CCSER1: variants seen among roughly 807,000 people sequenced by gnomAD.
CCSER1 encodes serine-rich coiled-coil domain-containing protein 1.
Under a neutral mutation model 82.0 loss-of-function variants are expected in CCSER1, and 41 were observed. That is an observed-to-expected ratio of 0.50 (90% CI 0.39 to 0.65). The LOEUF (loss-of-function observed/expected upper bound fraction) is 0.65. Among genes scored for constraint, CCSER1 ranks in the 30% least tolerant of loss-of-function variants. CCSER1 has a pLI of 0.00. For synonymous variants in CCSER1, 414 were observed against 383.9 expected, an observed-to-expected ratio of 1.08 and a Z score of -0.92; for missense variants, 1,119 against 1,064.2, an observed-to-expected ratio of 1.05 and a Z score of -0.72.
At chr4:91,023,896 TTTC>T (rs1740244547) in intron 9 of CCSER1, among the ~76,000 whole-genome samples, 1 of 152,200 alleles carries the variant, frequency 6.6e-6, no homozygotes, top group South Asian at 2.1e-4. Context: ...CTTAGCTATC[TTTC>T]TTCTTTTTAA....
At chr4:91,319,054 A>G (rs773347634) in intron 10 of CCSER1, 3 of 230,278 alleles carry the variant, frequency 1.3e-5, no homozygotes, top group Non-Finnish European at 2.7e-5. Flanking sequence ...TCCAGTGTCC[A>G]TTTTTAATCT....
chr4:91,489,873 A>G (rs1266615502), intron 10 of CCSER1, among the ~76,000 whole-genome samples: 1 of 152,146 alleles, frequency 6.6e-6, no homozygotes, highest in African/African-American at 2.4e-5. Flanking sequence ...CCGAATATAT[A>G]TGGACCTCAA....
Position 90,312,827 on chromosome 4 carries a change from A to C in CCSER1, c.1325-36A>C, listed in dbSNP as rs1561007789. 3 of 1,424,094 alleles carry C rather than the reference A, an allele frequency of 2.1e-6. No homozygotes were observed. In the African/African-American group the frequency reaches 4.3e-5, roughly 20 times the overall value. The allele number at this position is 1,424,094 out of a possible 1,614,324, so 88.2% of individuals were successfully genotyped here. On this transcript the variant is annotated intron_variant, in intron 2 of 10. Coordinates refer to ENST00000509176, the MANE Select transcript of CCSER1 (RefSeq NM_001145065.2). ...ACATTTGTAAAAACTACATTTAAAT[A>C]TTTACCTTCATTTTTATTTATTTTC... is the stretch of plus-strand genomic sequence containing the variant.
intron 5 of CCSER1, among the ~76,000 whole-genome samples, chr4:90,480,501 A>C (rs1442863653): frequency 6.6e-6 from 1 of 152,068 alleles, no homozygotes; most frequent in Non-Finnish European, 1.5e-5. Flanking sequence ...TAGGGTTTTT[A>C]TGGTTTTAGG....
At chr4:91,008,327 G>A (rs978257836) in intron 9 of CCSER1, among the ~76,000 whole-genome samples, 30 of 152,038 alleles carry the variant, frequency 2.0e-4, no homozygotes, top group African/African-American at 7.2e-4. Flanking sequence ...TACTATTATT[G>A]TGTAGTTATC....
intron 10 of CCSER1, among the ~76,000 whole-genome samples, chr4:91,235,591 C>A (rs182682355): frequency 6.6e-6 from 1 of 152,134 alleles, no homozygotes; most frequent in African/African-American, 2.4e-5. Flanking sequence ...ATCAACGTAT[C>A]TTTTTATAGT....
At chr4:91,286,896 T>C (rs2149211966) in intron 10 of CCSER1, among the ~76,000 whole-genome samples, 1 of 152,012 alleles carries the variant, frequency 6.6e-6, no homozygotes, top group Non-Finnish European at 1.5e-5. Flanking sequence ...TCTTTATTTC[T>C]CAGTATATGA....
chr4:91,380,872 C>T (rs1750831986), intron 10 of CCSER1, among the ~76,000 whole-genome samples: 2 of 152,140 alleles, frequency 1.3e-5, no homozygotes, highest in African/African-American at 2.4e-5. Flanking sequence ...CATGTTTTTG[C>T]AGTGGCTGGT....
At chr4:91,002,830 G>T (rs906842989) in intron 9 of CCSER1, among the ~76,000 whole-genome samples, 7 of 152,150 alleles carry the variant, frequency 4.6e-5, no homozygotes, top group African/African-American at 1.7e-4. Flanking sequence ...ACCATGTTTT[G>T]TCATAGTACC....
At chr4:90,594,691 G>A (rs10009121) in intron 5 of CCSER1, among the ~76,000 whole-genome samples, 68,061 of 151,918 alleles carry the variant, frequency 0.45, 19,355 homozygotes, top group African/African-American at 0.81. Flanking sequence ...CCATCCTTGT[G>A]AACAACATGT....
chr4:90,866,795 T>C (rs1010591679), intron 8 of CCSER1, among the ~76,000 whole-genome samples: 4 of 151,748 alleles, frequency 2.6e-5, no homozygotes, highest in African/African-American at 9.7e-5. Flanking sequence ...TGGAGCAGGG[T>C]GGGGATGAAA....
At chr4:91,053,406 G>A (rs1263421055) in intron 9 of CCSER1, among the ~76,000 whole-genome samples, 3 of 152,122 alleles carry the variant, frequency 2.0e-5, no homozygotes, top group Non-Finnish European at 4.4e-5. Context: ...GTGGAACATG[G>A]TATCACAAAT....
chr4:90,133,270 T>G (rs1402754277), intron 1 of CCSER1, among the ~76,000 whole-genome samples: 4 of 152,202 alleles, frequency 2.6e-5, no homozygotes, highest in Admixed American at 2.6e-4. Flanking sequence ...AAATTTTTAA[T>G]GAGTTCCCAT....
chr4:91,385,088 A>T (rs1033304256), intron 10 of CCSER1, among the ~76,000 whole-genome samples: 1 of 152,088 alleles, frequency 6.6e-6, no homozygotes, highest in Non-Finnish European at 1.5e-5. Flanking sequence ...TCAGGAATTT[A>T]TCCTGAAGAT....
At position 90,551,706 on chromosome 4, in the gene CCSER1, C is replaced by CTCTATATATATA; in HGVS notation, c.1725-76318_1725-76317insCTATATATATAT. ...TCTCTCTCTCTCTCTCTCTCTCTCT[C>CTCTATATATATA]TATATATATATATATATATATGTAA... is the stretch of plus-strand genomic sequence containing the variant. On this transcript the variant is annotated intron_variant, in intron 5 of 10. Coordinates refer to ENST00000509176, the MANE Select transcript of CCSER1 (RefSeq NM_001145065.2). Among the ~76,000 whole-genome samples the CTCTATATATATA allele has an allele frequency of 1.9e-3, 199 of 104,226 alleles. 2 individuals are homozygous for CTCTATATATATA. Among genetic ancestry groups the CTCTATATATATA allele is most frequent in the African/African-American group, 6.9e-3 (152 of 21,918 alleles). The allele number at this position is 104,226 out of a possible 152,430, so 68.4% of individuals were successfully genotyped here.
At chr4:90,665,541 T>A (rs1419505603) in intron 6 of CCSER1, among the ~76,000 whole-genome samples, 1 of 152,100 alleles carries the variant, frequency 6.6e-6, no homozygotes, top group East Asian at 1.9e-4. Flanking sequence ...CAGGATGGTC[T>A]CGATCTCCTG....
chr4:91,122,804 C>T (rs1288473074), intron 10 of CCSER1, among the ~76,000 whole-genome samples: 2 of 151,672 alleles, frequency 1.3e-5, no homozygotes, highest in Admixed American at 6.6e-5. Context: ...GATCACAATG[C>T]CTACCTCTCC....
intron 10 of CCSER1, among the ~76,000 whole-genome samples, chr4:91,198,387 A>T (rs1186756137): frequency 1.3e-5 from 2 of 152,202 alleles, no homozygotes; most frequent in African/African-American, 4.8e-5. Context: ...TTAATTTTAG[A>T]ACAAATGAGA....
chr4:91,351,894 C>A (rs1362399383), intron 10 of CCSER1, among the ~76,000 whole-genome samples: 4 of 151,838 alleles, frequency 2.6e-5, no homozygotes, highest in Admixed American at 2.6e-4. Flanking sequence ...TTGGTGAACC[C>A]TCCAACATAG....
Sources: allele counts gnomAD v4.1 joint callset (sites outside exome capture counted in the v4.1 genomes callset), GRCh38; gene constraint gnomAD v4.1.1; transcripts MANE v1.5; gene names NCBI Gene and HGNC (gene_info 2026-07-23, HGNC 2026-07-21).